The following PPFIA2 variants were observed in gnomAD, a reference collection of about 807,000 sequenced individuals.
The protein encoded by PPFIA2 is liprin-alpha-2.
In PPFIA2, 46 loss-of-function variants were observed where a neutral mutation model predicts 175.5. The observed-to-expected ratio is 0.26, with a 90% CI of 0.21 to 0.34. The LOEUF (loss-of-function observed/expected upper bound fraction) is 0.34. Ranked by LOEUF, PPFIA2 falls within the 10% of genes least tolerant of loss-of-function variation. The pLI is 1.00. For missense variants in PPFIA2, 1,179 were observed against 1,506.1 expected (o/e 0.78, Z 3.60); for synonymous variants, 568 against 511.4 (o/e 1.11, Z -1.49).
At chr12:81,601,129 G>A (rs1005166167) in intron 4 of PPFIA2, among the ~76,000 whole-genome samples, 1 of 151,872 alleles carries the variant, frequency 6.6e-6, no homozygotes, top group African/African-American at 2.4e-5. Context: ...GGGAGGAGAT[G>A]AAAATAGTAT....
intron 14 of PPFIA2, among the ~76,000 whole-genome samples, chr12:81,366,526 A>G (rs1409208145): frequency 6.6e-6 from 1 of 151,488 alleles, no homozygotes; most frequent in East Asian, 2.0e-4. Context: ...GCAGCAATAT[A>G]TCATGGTCTT....
intron 4 of PPFIA2, among the ~76,000 whole-genome samples, chr12:81,564,187 T>A (rs1263075325): frequency 6.6e-6 from 1 of 152,222 alleles, no homozygotes; most frequent in East Asian, 1.9e-4. Flanking sequence ...ATCATTCATC[T>A]TCATTGAACA....
chr12:81,285,623 T>A (rs1345241298), intron 24 of PPFIA2, among the ~76,000 whole-genome samples: 1 of 152,078 alleles, frequency 6.6e-6, no homozygotes, highest in African/African-American at 2.4e-5. Flanking sequence ...TGTCACCTAG[T>A]GATATCAGAG....
At chr12:81,606,884 G>A (rs1414127554) in intron 4 of PPFIA2, among the ~76,000 whole-genome samples, 2 of 152,008 alleles carry the variant, frequency 1.3e-5, no homozygotes, top group Non-Finnish European at 2.9e-5. Context: ...AAAAATATTT[G>A]CCAATGCCGA....
At chr12:81,657,066 T>C (rs1310076521) in intron 4 of PPFIA2, among the ~76,000 whole-genome samples, 1 of 152,176 alleles carries the variant, frequency 6.6e-6, no homozygotes, top group African/African-American at 2.4e-5. Flanking sequence ...ATTTCACGTT[T>C]TGCTGATTAA....
chr12:81,742,084 C>G (rs556426695), intron 3 of PPFIA2, among the ~76,000 whole-genome samples: 49 of 152,186 alleles, frequency 3.2e-4, no homozygotes, highest in South Asian at 1.5e-3. Context: ...AGCAAGAACA[C>G]CAGGATGGTG....
chr12:81,692,644 C>T (rs1490531731), intron 3 of PPFIA2, among the ~76,000 whole-genome samples: 1 of 152,046 alleles, frequency 6.6e-6, no homozygotes, highest in Admixed American at 6.6e-5. Context: ...ATTCTAATTA[C>T]ACTTCGAAAA....
At chr12:81,706,398 T>C (rs2077142604) in intron 3 of PPFIA2, among the ~76,000 whole-genome samples, 1 of 152,208 alleles carries the variant, frequency 6.6e-6, no homozygotes, top group Non-Finnish European at 1.5e-5. Flanking sequence ...AGCAGAGAAC[T>C]TCATAACTAT....
chr12:81,444,822 T>C (rs970763674), intron 6 of PPFIA2, among the ~76,000 whole-genome samples: 2 of 152,126 alleles, frequency 1.3e-5, no homozygotes, highest in Non-Finnish European at 2.9e-5. Context: ...CCACTCTAAC[T>C]CCTAAAGATT....
At chr12:81,335,919 T>C (rs1595008928) in intron 21 of PPFIA2, among the ~76,000 whole-genome samples, 1 of 152,190 alleles carries the variant, frequency 6.6e-6, no homozygotes, top group African/African-American at 2.4e-5. Context: ...GCTTAAATTA[T>C]GCTTTATTTT....
chr12:81,288,852 G>T (rs1490917216), intron 24 of PPFIA2, among the ~76,000 whole-genome samples: 2 of 151,530 alleles, frequency 1.3e-5, no homozygotes, highest in Admixed American at 6.6e-5. Context: ...TTCAATAAAG[G>T]TTAAGGTTTA....
intron 4 of PPFIA2, among the ~76,000 whole-genome samples, chr12:81,512,666 T>TATATTG (rs2061941898): frequency 6.6e-6 from 1 of 151,998 alleles, no homozygotes; most frequent in African/African-American, 2.4e-5. Flanking sequence ...ACTCAATATG[T>TATATTG]AGTCTTTTTT....
intron 7 of PPFIA2, among the ~76,000 whole-genome samples, chr12:81,437,031 A>G (rs2049184555): frequency 6.6e-6 from 1 of 152,236 alleles, no homozygotes; most frequent in South Asian, 2.1e-4. Flanking sequence ...AGGAGTGCTA[A>G]AAAGTAAAAA....
At chr12:81,661,377 G>A (rs1320792802) in intron 4 of PPFIA2, among the ~76,000 whole-genome samples, 4 of 152,062 alleles carry the variant, frequency 2.6e-5, no homozygotes, top group Non-Finnish European at 4.4e-5. Flanking sequence ...ATGGAAAACA[G>A]AAAAAGGCAG....
chr12:81,637,953 A>G (rs1231612898), intron 4 of PPFIA2, among the ~76,000 whole-genome samples: 2 of 152,174 alleles, frequency 1.3e-5, no homozygotes, highest in Non-Finnish European at 2.9e-5. Flanking sequence ...ATAATAAAAT[A>G]CTTACTCCCT....
At chr12:81,537,510 C>G (rs2065574967) in intron 4 of PPFIA2, among the ~76,000 whole-genome samples, 1 of 151,802 alleles carries the variant, frequency 6.6e-6, no homozygotes, top group Non-Finnish European at 1.5e-5. Flanking sequence ...AATAAAAGAA[C>G]TGAGTGTACT....
intron 4 of PPFIA2, among the ~76,000 whole-genome samples, chr12:81,526,656 AATAC>A: frequency 6.6e-6 from 1 of 152,336 alleles, no homozygotes. Flanking sequence ...CAACTTTGTT[AATAC>A]ATCCTCATAT....
At chr12:81,341,575 C>T (rs2058086945) in intron 19 of PPFIA2, among the ~76,000 whole-genome samples, 1 of 151,996 alleles carries the variant, frequency 6.6e-6, no homozygotes, top group Admixed American at 6.6e-5. Flanking sequence ...TATGCACGGA[C>T]CTTTTTTTTA....
At chr12:81,309,408 C>T (rs2050159228) in intron 22 of PPFIA2, among the ~76,000 whole-genome samples, 2 of 152,042 alleles carry the variant, frequency 1.3e-5, no homozygotes, top group Admixed American at 6.6e-5. Flanking sequence ...AAATTCCAAT[C>T]AGTTGCTTCA....
Sources: allele counts gnomAD v4.1 joint callset (sites outside exome capture counted in the v4.1 genomes callset), GRCh38; gene constraint gnomAD v4.1.1; transcripts MANE v1.5; gene names NCBI Gene and HGNC (gene_info 2026-07-23, HGNC 2026-07-21).